RARB: variants seen among roughly 807,000 people sequenced by gnomAD.
The protein encoded by RARB is retinoic acid receptor beta, also known as HBV-activated protein.
RARB carries 17 observed loss-of-function variants against 51.9 expected under a neutral mutation model. That is an observed-to-expected ratio of 0.33 (90% CI 0.22 to 0.49). The LOEUF (loss-of-function observed/expected upper bound fraction) is 0.49. RARB is among the 20% of genes least tolerant of loss of function. The probability of loss-of-function intolerance (pLI) is 0.99; values close to 1 mark genes in which losing one functional copy is unlikely to be tolerated. For synonymous variants in RARB, 215 were observed against 195.4 expected, an observed-to-expected ratio of 1.10 and a Z score of -0.84; for missense variants, 369 against 550.8, an observed-to-expected ratio of 0.67 and a Z score of 3.30.
At chr3:25,428,128 G>A, upstream of RARB, 2 of 864,948 alleles carry the variant, frequency 2.3e-6, no homozygotes, top group Non-Finnish European at 3.0e-6. Flanking sequence ...AGGGCTGCTG[G>A]GAGTTTTTAA....
intron 5 of RARB, among the ~76,000 whole-genome samples, chr3:25,346,313 T>A (rs1007724271): frequency 7.2e-5 from 11 of 152,194 alleles, no homozygotes; most frequent in African/African-American, 2.7e-4. Flanking sequence ...AAAGCCAACA[T>A]TTCTCCTGAC....
intron 4 of RARB, among the ~76,000 whole-genome samples, chr3:25,150,249 A>C (rs1314004241): frequency 6.6e-6 from 1 of 152,118 alleles, no homozygotes; most frequent in Non-Finnish European, 1.5e-5. Context: ...GCATAGCATG[A>C]TGAAACAGAG....
At chr3:25,189,994 A>G (rs1701060266) in intron 5 of RARB, among the ~76,000 whole-genome samples, 1 of 152,072 alleles carries the variant, frequency 6.6e-6, no homozygotes, top group Non-Finnish European at 1.5e-5. Flanking sequence ...CCAGAGTTAG[A>G]ACTGAATGAA....
chr3:25,229,409 ATTCT>A (rs965336692), intron 5 of RARB, among the ~76,000 whole-genome samples: 1 of 152,176 alleles, frequency 6.6e-6, no homozygotes, highest in African/African-American at 2.4e-5. Flanking sequence ...AAGTTTTAAA[ATTCT>A]TTCTCAAATT....
intron 4 of RARB, among the ~76,000 whole-genome samples, chr3:25,166,322 C>G (rs1700560496): frequency 6.6e-6 from 1 of 152,154 alleles, no homozygotes; most frequent in Non-Finnish European, 1.5e-5. Flanking sequence ...CTATCAAGAA[C>G]AGCAGCAAAA....
In RARB at chr3:25,393,950, T is replaced by G. The variant is rs189446778; in HGVS notation, c.179-67243T>G. On this transcript the variant is annotated intron_variant, in intron 5 of 11. Coordinates refer to the RARB transcript ENST00000383772. ...ATCTTTGTTATTTCTTTTCTTCTGCTGAGTTTGGTTTTGGTTTGTTCTTGA... is the reference window on the plus strand; with the variant it reads ...ATCTTTGTTATTTCTTTTCTTCTGCGGAGTTTGGTTTTGGTTTGTTCTTGA... Among the ~76,000 whole-genome samples the G allele has an allele frequency of 1.5e-3, 226 of 152,276 alleles. 2 individuals carry two copies. In the South Asian group the frequency reaches 0.019, roughly 13 times the overall value.
At chr3:25,200,592 T>G (rs889888720) in intron 5 of RARB, among the ~76,000 whole-genome samples, 1 of 152,180 alleles carries the variant, frequency 6.6e-6, no homozygotes, top group Non-Finnish European at 1.5e-5. Flanking sequence ...ATGTAAGTCT[T>G]TAATCCATCT....
At chr3:25,553,211 C>G (rs1699917508) in intron 3 of RARB, among the ~76,000 whole-genome samples, 1 of 151,110 alleles carries the variant, frequency 6.6e-6, no homozygotes, top group African/African-American at 2.4e-5. Context: ...TGATTGCTAC[C>G]TACAGACTTT....
chr3:25,506,228 G>T (rs947893918), intron 3 of RARB, among the ~76,000 whole-genome samples: 2 of 143,816 alleles, frequency 1.4e-5, no homozygotes. Context: ...ACTCCAGCCT[G>T]GGCGACAGGG....
At chr3:24,979,327 GTT>G (rs369585746) in intron 2 of RARB, among the ~76,000 whole-genome samples, 235 of 152,186 alleles carry the variant, frequency 1.5e-3, no homozygotes, top group Non-Finnish European at 2.7e-3. Context: ...CTGTCTCACA[GTT>G]GTGTGTGTGT....
At chr3:25,343,203 A>T (rs1705285751) in intron 5 of RARB, among the ~76,000 whole-genome samples, 1 of 152,024 alleles carries the variant, frequency 6.6e-6, no homozygotes, top group Non-Finnish European at 1.5e-5. Context: ...AAGCACTTCT[A>T]CCATCTTCTG....
At chr3:25,197,553 C>T (rs1018021248) in intron 5 of RARB, among the ~76,000 whole-genome samples, 3 of 151,792 alleles carry the variant, frequency 2.0e-5, no homozygotes, top group African/African-American at 7.3e-5. Flanking sequence ...CTAAAAACTC[C>T]ACCAAAAAAC....
chr3:25,272,360 T>A (rs1703274959), intron 5 of RARB, among the ~76,000 whole-genome samples: 2 of 152,200 alleles, frequency 1.3e-5, no homozygotes, highest in African/African-American at 4.8e-5. Flanking sequence ...CTCACCATTG[T>A]CTGCCTGCCA....
At chr3:25,312,902 T>C (rs1036795482) in intron 5 of RARB, among the ~76,000 whole-genome samples, 5 of 152,156 alleles carry the variant, frequency 3.3e-5, no homozygotes, top group Non-Finnish European at 7.3e-5. Flanking sequence ...TGACCAATGA[T>C]CTGTACTTTT....
At chr3:25,138,895 C>T (rs1700070778) in intron 4 of RARB, among the ~76,000 whole-genome samples, 1 of 152,156 alleles carries the variant, frequency 6.6e-6, no homozygotes, top group African/African-American at 2.4e-5. Flanking sequence ...AGTCTGTTAG[C>T]ACTGTTTCCA....
chr3:25,393,212 GC>G (rs142639993), intron 5 of RARB, among the ~76,000 whole-genome samples: 2,666 of 152,044 alleles, frequency 0.018, 75 homozygotes, highest in African/African-American at 0.057. Flanking sequence ...TATATGTTAA[GC>G]CATCCCTACA....
intron 5 of RARB, among the ~76,000 whole-genome samples, chr3:25,405,465 G>C (rs1235442421): frequency 6.6e-6 from 1 of 152,184 alleles, no homozygotes; most frequent in African/African-American, 2.4e-5. Context: ...TGGTGATGTG[G>C]AAATACAAAC....
intron 4 of RARB, among the ~76,000 whole-genome samples, chr3:25,169,906 T>C (rs2125350854): frequency 6.6e-6 from 1 of 151,378 alleles, no homozygotes; most frequent in South Asian, 2.1e-4. Context: ...AAAGATTGCT[T>C]GTGCTCAGGT....
chr3:25,197,523 C>A (rs1162248604), intron 5 of RARB, among the ~76,000 whole-genome samples: 1 of 151,878 alleles, frequency 6.6e-6, no homozygotes, highest in Non-Finnish European at 1.5e-5. Context: ...CAGATGACAT[C>A]ATCTTAGATT....
Sources: allele counts gnomAD v4.1 joint callset (sites outside exome capture counted in the v4.1 genomes callset), GRCh38; gene constraint gnomAD v4.1.1; transcripts MANE v1.5; gene names NCBI Gene and HGNC (gene_info 2026-07-23, HGNC 2026-07-21).